CMC1: variants seen among roughly 807,000 people sequenced by gnomAD.
CMC1 encodes the protein C-X9-C motif containing 1.
CMC1 carries 14 observed loss-of-function variants against 14.1 expected under a neutral mutation model. That is an observed-to-expected ratio of 0.99 (90% CI 0.66 to 1.55). The LOEUF is 1.55. CMC1 is among the 40% of genes most tolerant of loss of function. The pLI, the probability that CMC1 is intolerant of heterozygous loss-of-function variation, is 0.00. For missense variants in CMC1, 127 were observed against 123.8 expected (o/e 1.03, Z -0.12); for synonymous variants, 50 against 38.4 (o/e 1.30, Z -1.12).
chr3:28,270,924 T>C (rs1053750645), intron 2 of CMC1, among the ~76,000 whole-genome samples: 16 of 143,172 alleles, frequency 1.1e-4, no homozygotes, highest in African/African-American at 3.9e-4. Context: ...TAATTTCTTT[T>C]TTTTTTTTTT....
intron 2 of CMC1, among the ~76,000 whole-genome samples, chr3:28,275,896 A>G (rs534202859): frequency 1.3e-5 from 2 of 152,174 alleles, no homozygotes; most frequent in African/African-American, 2.4e-5. Flanking sequence ...TCTGGCCACT[A>G]TCTGCCACAG....
At chr3:28,280,440 T>C (rs1046334574) in intron 2 of CMC1, among the ~76,000 whole-genome samples, 5 of 152,294 alleles carry the variant, frequency 3.3e-5, no homozygotes, top group Non-Finnish European at 5.9e-5. Context: ...TGAACTCTTA[T>C]CACATGCATG....
chr3:28,277,792 G>T (rs147451494), intron 2 of CMC1, among the ~76,000 whole-genome samples: 9 of 152,262 alleles, frequency 5.9e-5, no homozygotes, highest in East Asian at 1.9e-4. Flanking sequence ...ACACCAAAAA[G>T]GTCACTGTGG....
At chr3:28,284,113 C>T (rs1267987145) in intron 2 of CMC1, among the ~76,000 whole-genome samples, 2 of 152,144 alleles carry the variant, frequency 1.3e-5, no homozygotes, top group African/African-American at 4.8e-5. Context: ...TCCTTTCCCT[C>T]TCATTTTGGC....
chr3:28,282,527 A>C (rs577684389), intron 2 of CMC1, among the ~76,000 whole-genome samples: 1 of 152,360 alleles, frequency 6.6e-6, no homozygotes, highest in South Asian at 2.1e-4. Context: ...TTGAAATCAA[A>C]GCTAAAGAAA....
In CMC1 at chr3:28,321,792, CAGTA is replaced by C. The variant is rs536718220; in HGVS notation, c.*2167_*2170del. ...ATTCAGTTCCATTTTGGCAGCAACT[CAGTA>C]AGTCTTACAGATGTAAATTTTACTT... On this transcript the variant is annotated 3_prime_UTR_variant, in exon 4 of 4. Transcript: ENST00000466830. The C allele has an allele frequency of 1.3e-5, 2 of 151,408 alleles. No homozygotes were observed. Among genetic ancestry groups the C allele is most frequent in the East Asian group, 1.9e-4 (1 of 5,144 alleles). The allele number at this position is 151,408 out of a possible 1,614,324, so 9.4% of individuals were successfully genotyped here. A position where few individuals can be genotyped will look rare whatever the true frequency, so the allele number is the denominator to read the frequency against.
In CMC1 at chr3:28,241,663, A is replaced by G. The variant is rs1457889998; in HGVS notation, c.-131A>G. 40 of 1,233,734 alleles carry G rather than the reference A, an allele frequency of 3.2e-5. No individual in the cohort carries two copies. The highest frequency in any genetic ancestry group is 3.6e-5 in the Non-Finnish European group (36 of 987,724). 76.4% of individuals were successfully genotyped at this position (1,233,734 alleles called of 1,614,324 possible). A position where few individuals can be genotyped will look rare whatever the true frequency, so the allele number is the denominator to read the frequency against. ...AACGGGTCCTGGCGGTGCTTTGCAA[A>G]GGGCCCGTGTTTCTGTTGCGGGAAG... On this transcript the variant is annotated 5_prime_UTR_variant, in exon 1 of 4. Transcript: ENST00000466830.
In CMC1 at chr3:28,319,701, TCAAGC is replaced by T; in HGVS notation, c.*73_*77del. The T allele has an allele frequency of 2.4e-6, 3 of 1,227,696 alleles. No homozygotes were observed. The highest frequency in any genetic ancestry group is 3.4e-6 in the Non-Finnish European group (3 of 878,954). 76.1% of individuals were successfully genotyped at this position (1,227,696 alleles called of 1,614,324 possible). ...ATTTTATAGTCCTTAAATAATGGAC[TCAAGC>T]ATATATGTTTGCTTTACCTTAATTA... On this transcript the variant is annotated 3_prime_UTR_variant, in exon 4 of 4. Transcript: ENST00000466830.
intron 1 of CMC1, among the ~76,000 whole-genome samples, chr3:28,245,158 T>C (rs1698753570): frequency 6.6e-6 from 1 of 152,168 alleles, no homozygotes; most frequent in Non-Finnish European, 1.5e-5. Context: ...TTATAGAAGC[T>C]TGATTTTCAT....
intron 1 of CMC1, among the ~76,000 whole-genome samples, chr3:28,258,085 T>C (rs563675881): frequency 3.5e-5 from 5 of 144,918 alleles, no homozygotes; most frequent in African/African-American, 7.5e-5. Flanking sequence ...TATATATATA[T>C]ACTTACAATT....
chr3:28,297,003 A>T (rs1273035252), intron 2 of CMC1: 1 of 152,022 alleles, frequency 6.6e-6, no homozygotes, highest in African/African-American at 2.4e-5. Flanking sequence ...TTGGGCTATC[A>T]GTCTTTACTG....
chr3:28,243,561 C>G (rs1559393785), intron 1 of CMC1, among the ~76,000 whole-genome samples: 1 of 152,190 alleles, frequency 6.6e-6, no homozygotes, highest in Non-Finnish European at 1.5e-5. Context: ...TGTGTTGTAC[C>G]CAAGGCCACA....
Position 28,283,375 on chromosome 3 carries a change from C to T in CMC1, c.109+19995C>T, listed in dbSNP as rs567092356. 5.9e-5 allele frequency among the ~76,000 whole-genome samples: 9 copies of T among 151,636 alleles called. No individual in the cohort carries two copies. In the South Asian group the frequency reaches 1.9e-3, roughly 32 times the overall value. Reference sequence around the variant, plus strand: ...CTAAAAATAAAAAAAAAAAATTAGCCAGGTGTCATGGCGCATGCCTGTAAT... The same window carrying T: ...CTAAAAATAAAAAAAAAAAATTAGCTAGGTGTCATGGCGCATGCCTGTAAT... On this transcript the variant is annotated intron_variant, in intron 2 of 3. Transcript: ENST00000466830.
Position 28,319,724 on chromosome 3 carries a change from C to T in CMC1, c.*95C>T, listed in dbSNP as rs1307995117. On this transcript the variant is annotated 3_prime_UTR_variant, in exon 4 of 4. Coordinates refer to ENST00000466830, the MANE Select transcript of CMC1 (RefSeq NM_182523.2). ...ACTCAAGCATATATGTTTGCTTTACCTTAATTATGGAAATATTAACTTTAT... is the reference window on the plus strand; with the variant it reads ...ACTCAAGCATATATGTTTGCTTTACTTTAATTATGGAAATATTAACTTTAT... The T allele has an allele frequency of 4.0e-6, 4 of 998,220 alleles. No homozygotes were observed. Among genetic ancestry groups the T allele is most frequent in the Non-Finnish European group, 5.7e-6 (4 of 703,210 alleles). 61.8% of individuals were successfully genotyped at this position (998,220 alleles called of 1,614,324 possible). A position where few individuals can be genotyped will look rare whatever the true frequency, so the allele number is the denominator to read the frequency against.
Position 28,281,500 on chromosome 3 carries a change from T to A in CMC1, c.109+18120T>A, listed in dbSNP as rs188373143. On this transcript the variant is annotated intron_variant, in intron 2 of 3. Coordinates refer to ENST00000466830, the MANE Select transcript of CMC1 (RefSeq NM_182523.2). ...TGCTCTGAATGCACAGAATTAAGTT[T>A]AATTTACAGAATTAAGTTTAATATC... Among the ~76,000 whole-genome samples the A allele has an allele frequency of 3.2e-3, 484 of 152,344 alleles. 2 individuals are homozygous for A. The highest frequency in any genetic ancestry group is 0.011 in the African/African-American group (466 of 41,582).
intron 1 of CMC1, among the ~76,000 whole-genome samples, chr3:28,244,956 T>TG (rs1166936857): frequency 2.0e-5 from 3 of 151,734 alleles, no homozygotes; most frequent in Non-Finnish European, 2.9e-5. Context: ...AAGCCAGTTT[T>TG]TTTTTTTTTT....
At chr3:28,263,160 C>T in intron 1 of CMC1, 131 bp from the exon 2 acceptor site, 1 of 643,312 alleles carries the variant, frequency 1.6e-6, no homozygotes. Flanking sequence ...AAAATAATCA[C>T]AATTTCATAA....
chr3:28,298,942 C>T (rs1450816809), intron 2 of CMC1, among the ~76,000 whole-genome samples: 1 of 152,030 alleles, frequency 6.6e-6, no homozygotes, highest in Non-Finnish European at 1.5e-5. Flanking sequence ...GGAGCTGTTT[C>T]TTTACCTACC....
chr3:28,283,017 A>G (rs1700976818), intron 2 of CMC1, among the ~76,000 whole-genome samples: 1 of 152,196 alleles, frequency 6.6e-6, no homozygotes, highest in Admixed American at 6.5e-5. Flanking sequence ...GAACTTTGCC[A>G]TGTATTTGTT....
Sources: allele counts gnomAD v4.1 joint callset (sites outside exome capture counted in the v4.1 genomes callset), GRCh38; gene constraint gnomAD v4.1.1; transcripts MANE v1.5; gene names NCBI Gene and HGNC (gene_info 2026-07-23, HGNC 2026-07-21).